CBFA2T2: variants seen among roughly 807,000 people sequenced by gnomAD.
CBFA2T2 encodes CBFA2/RUNX1 partner transcriptional co-repressor 2.
CBFA2T2 carries 11 observed loss-of-function variants against 62.2 expected under a neutral mutation model. The ratio of observed to expected loss-of-function variants is 0.18; its 90% CI spans 0.11 to 0.29. CBFA2T2 has a LOEUF of 0.29. Among genes scored for constraint, CBFA2T2 ranks in the 10% least tolerant of loss-of-function variants. CBFA2T2 has a pLI of 1.00. For synonymous variants in CBFA2T2, 295 were observed against 287.5 expected (o/e 1.03, Z -0.27); for missense variants, 592 against 774.1 (o/e 0.76, Z 2.79).
chr20:33,511,602 A>G (rs1169830835), intron 1 of CBFA2T2, among the ~76,000 whole-genome samples: 1 of 152,232 alleles, frequency 6.6e-6, no homozygotes, highest in Non-Finnish European at 1.5e-5. Context: ...AAAGGATTAC[A>G]GGTGTGAGCC....
At chr20:33,536,897 G>A (rs1360055151) in intron 1 of CBFA2T2, among the ~76,000 whole-genome samples, 2 of 151,430 alleles carry the variant, frequency 1.3e-5, no homozygotes, top group African/African-American at 4.9e-5. Flanking sequence ...GATGGCGGCC[G>A]GGAAGAGGCG....
chr20:33,573,722 C>T (rs1017396267), intron 1 of CBFA2T2, among the ~76,000 whole-genome samples: 2 of 151,964 alleles, frequency 1.3e-5, no homozygotes, highest in African/African-American at 4.8e-5. Context: ...CCTCGTGATC[C>T]GCCCACCTCA....
intron 1 of CBFA2T2, among the ~76,000 whole-genome samples, chr20:33,505,469 A>G (rs1331877854): frequency 3.3e-5 from 5 of 152,004 alleles, no homozygotes; most frequent in African/African-American, 7.2e-5. Flanking sequence ...AAGTTTGCAG[A>G]AAAAAAATGG....
chr20:33,520,656 A>C (rs942465769), intron 1 of CBFA2T2, among the ~76,000 whole-genome samples: 1 of 151,988 alleles, frequency 6.6e-6, no homozygotes, highest in African/African-American at 2.4e-5. Flanking sequence ...CTGTATTCCA[A>C]GCTACTTGGG....
chr20:33,517,796 C>T (rs1279997502), intron 1 of CBFA2T2, among the ~76,000 whole-genome samples: 1 of 151,098 alleles, frequency 6.6e-6, no homozygotes, highest in Non-Finnish European at 1.5e-5. Context: ...AGGTGTGTGC[C>T]ACCATACCTG....
intron 8 of CBFA2T2, among the ~76,000 whole-genome samples, chr20:33,632,471 C>CT (rs60957531): frequency 0.062 from 8,594 of 137,860 alleles, 759 homozygotes; most frequent in African/African-American, 0.2. Flanking sequence ...TCACCAATGA[C>CT]TTTTTTTTTT....
chr20:33,594,192 C>A (rs1443923040), intron 1 of CBFA2T2, among the ~76,000 whole-genome samples: 1 of 152,120 alleles, frequency 6.6e-6, no homozygotes, highest in Non-Finnish European at 1.5e-5. Flanking sequence ...TATTTAAGAG[C>A]TGGACTGTCA....
intron 10 of CBFA2T2, among the ~76,000 whole-genome samples, chr20:33,640,752 T>G (rs1385045369): frequency 6.6e-6 from 1 of 152,040 alleles, no homozygotes; most frequent in Non-Finnish European, 1.5e-5. Flanking sequence ...CATACATATA[T>G]ATATAGAGAG....
At chr20:33,519,340 T>A (rs2146860131) in intron 1 of CBFA2T2, among the ~76,000 whole-genome samples, 1 of 152,142 alleles carries the variant, frequency 6.6e-6, no homozygotes, top group Non-Finnish European at 1.5e-5. Context: ...TGCAGTGGCA[T>A]ATGCCTGTAA....
intron 1 of CBFA2T2, among the ~76,000 whole-genome samples, chr20:33,544,897 T>C (rs1487275565): frequency 6.6e-6 from 1 of 151,930 alleles, no homozygotes; most frequent in East Asian, 1.9e-4. Flanking sequence ...AGGCATCTGA[T>C]AGATGCACAA....
chr20:33,574,020 C>A, intron 1 of CBFA2T2: 1 of 1,107,388 alleles, frequency 9.0e-7, no homozygotes, highest in Non-Finnish European at 1.2e-6. Flanking sequence ...AACTCCTGGG[C>A]TAAAGCGATC....
At chr20:33,633,803 T>TTACC (rs2016536442) in intron 8 of CBFA2T2, among the ~76,000 whole-genome samples, 1 of 152,148 alleles carries the variant, frequency 6.6e-6, no homozygotes, top group African/African-American at 2.4e-5. Flanking sequence ...CTACTATGGC[T>TTACC]TGCCATGACT....
intron 1 of CBFA2T2, among the ~76,000 whole-genome samples, chr20:33,498,046 T>G (rs550373584): frequency 6.6e-6 from 1 of 152,114 alleles, no homozygotes; most frequent in Non-Finnish European, 1.5e-5. Context: ...TTTATCTTAC[T>G]GTATTTTTAA....
chr20:33,645,452 A>T lies in CBFA2T2; in HGVS notation c.*806A>T, dbSNP rs1420454160. ...TGTGGATAGTCTGTTTTCTCTGAGC[A>T]TGTTGGCCAACTAGTATCGTCAAAT... On this transcript the variant is annotated 3_prime_UTR_variant, in exon 11 of 11. Transcript: ENST00000342704. 2 of 152,162 alleles carry T rather than the reference A, an allele frequency of 1.3e-5. No homozygotes were observed. The highest frequency in any genetic ancestry group is 2.9e-5 in the Non-Finnish European group (2 of 68,032). The allele number at this position is 152,162 out of a possible 1,614,324, so 9.4% of individuals were successfully genotyped here. A position where few individuals can be genotyped will look rare whatever the true frequency, so the allele number is the denominator to read the frequency against.
intron 1 of CBFA2T2, among the ~76,000 whole-genome samples, chr20:33,540,326 C>T (rs2012379040): frequency 6.6e-6 from 1 of 152,114 alleles, no homozygotes; most frequent in Non-Finnish European, 1.5e-5. Flanking sequence ...ATAGAGTGTA[C>T]TTACACAAAC....
At chr20:33,607,308 TTAAA>T (rs1248375593) in intron 2 of CBFA2T2, among the ~76,000 whole-genome samples, 8 of 152,262 alleles carry the variant, frequency 5.3e-5, no homozygotes, top group African/African-American at 1.9e-4. Context: ...ATTTAGTTGT[TTAAA>T]TATTTTGTTT....
chr20:33,495,073 G>T (rs532732168), intron 1 of CBFA2T2, among the ~76,000 whole-genome samples: 2 of 152,176 alleles, frequency 1.3e-5, no homozygotes, highest in South Asian at 4.2e-4. Context: ...TAGGTCTATT[G>T]CTCTGATGAA....
At position 33,636,634 on chromosome 20, in the gene CBFA2T2, C is replaced by A; in HGVS notation, c.1229-6C>A. 3 of 1,611,948 alleles carry A rather than the reference C, an allele frequency of 1.9e-6. No individual in the cohort carries two copies. The highest frequency in any genetic ancestry group is 2.5e-6 in the Non-Finnish European group (3 of 1,178,346). ...TGACCCTATGCTTTTTATGTCTCTT[C>A]TGCAGATTCTCAGAGAGAGTTCAAC... is the stretch of plus-strand genomic sequence containing the variant. On this transcript the variant is annotated splice_region_variant and splice_polypyrimidine_tract_variant and intron_variant, in intron 8 of 10. Transcript: ENST00000342704.
intron 1 of CBFA2T2, among the ~76,000 whole-genome samples, chr20:33,598,359 A>G (rs2014977767): frequency 6.6e-6 from 1 of 152,156 alleles, no homozygotes; most frequent in South Asian, 2.1e-4. Flanking sequence ...GGGGCCGTTT[A>G]TAAGCCTATA....
Sources: gnomAD v4.1 joint callset for allele counts (sites outside exome capture counted in the v4.1 genomes callset) on GRCh38, gnomAD v4.1.1 for gene constraint, MANE v1.5 for transcripts, NCBI Gene and HGNC (gene_info 2026-07-23, HGNC 2026-07-21) for gene names.